The following BICD2 variants were observed in gnomAD, a reference collection of about 807,000 sequenced individuals.
BICD2 encodes the protein BICD cargo adaptor 2, also known as protein bicaudal D homolog 2.
Under a neutral mutation model 72.9 loss-of-function variants are expected in BICD2, and 25 were observed. That is an observed-to-expected ratio of 0.34 (90% CI 0.25 to 0.48). The LOEUF (loss-of-function observed/expected upper bound fraction) is 0.48, where lower values mean the gene tolerates loss of function less well. Ranked by LOEUF, BICD2 falls within the 20% of genes least tolerant of loss-of-function variation. BICD2 has a pLI of 0.99. For synonymous variants in BICD2, 501 were observed against 516.1 expected, an observed-to-expected ratio of 0.97 and a Z score of 0.40; for missense variants, 894 against 1,175.2, an observed-to-expected ratio of 0.76 and a Z score of 3.50.
At chr9:92,721,863 C>T (rs890119907) in intron 3 of BICD2, among the ~76,000 whole-genome samples, 6 of 152,190 alleles carry the variant, frequency 3.9e-5, no homozygotes, top group Admixed American at 6.5e-5. Context: ...TTAATGAGCT[C>T]GAGCTGTCAC....
intron 6 of BICD2, among the ~76,000 whole-genome samples, chr9:92,716,284 C>A (rs767356860): frequency 2.0e-5 from 3 of 152,142 alleles, no homozygotes; most frequent in Non-Finnish European, 4.4e-5. Flanking sequence ...GAGCTGTGAT[C>A]CCTGCAGATT....
chr9:92,740,634 C>A lies in BICD2; in HGVS notation c.241-11398G>T, dbSNP rs147355084. Among the ~76,000 whole-genome samples the A allele has an allele frequency of 9.0e-3, 1,366 of 151,854 alleles. 22 individuals are homozygous for A. Among genetic ancestry groups the A allele is most frequent in the African/African-American group, 0.032 (1,318 of 41,402 alleles). ...TGCAAAAACTGAATAAAGTAACAAG[C>A]AGAAGTCTCACAAAGGGGAAGTGAT... On this transcript the variant is annotated intron_variant, in intron 1 of 6. Coordinates refer to ENST00000356884, the MANE Select transcript of BICD2 (RefSeq NM_001003800.2).
chr9:92,724,260 T>C (rs557035212), intron 2 of BICD2, among the ~76,000 whole-genome samples: 12 of 152,288 alleles, frequency 7.9e-5, no homozygotes, highest in East Asian at 1.9e-4. Context: ...ATGTGTGCAC[T>C]CATCTGAATG....
chr9:92,720,674 T>C lies in BICD2; in HGVS notation c.688A>G (p.Ile230Val). Reference sequence around the variant, plus strand: ...CGCTCTGAGATCTCCTTGAGGCGGATGGCATCCTCCAGCTGGCTGTTGAGG... The same window carrying C: ...CGCTCTGAGATCTCCTTGAGGCGGACGGCATCCTCCAGCTGGCTGTTGAGG... ...EYLNSQLEDA[I>V]RLKEISERQL... Residue 230 changes from isoleucine to valine, a missense_variant, in exon 4 of 7, where the codon ATC (isoleucine) becomes GTC (valine). By Grantham distance (29) the Ile-to-Val change is conservative (BLOSUM62 3). Transcript: ENST00000356884. The surrounding 1 kb of genome is among the most constrained non-coding windows in gnomAD (Gnocchi z 5.4). 2.5e-6 allele frequency: 4 copies of C among 1,614,160 alleles called. No individual in the cohort carries two copies. Among genetic ancestry groups the C allele is most frequent in the Non-Finnish European group, 3.4e-6 (4 of 1,180,028 alleles).
At chr9:92,755,743 G>A (rs570699248) in intron 1 of BICD2, among the ~76,000 whole-genome samples, 85 of 152,326 alleles carry the variant, frequency 5.6e-4, no homozygotes, top group Admixed American at 3.8e-3. Context: ...AGCATGTTGT[G>A]AGGGTGGTAC....
chr9:92,750,341 C>T (rs980478887), intron 1 of BICD2, among the ~76,000 whole-genome samples: 5 of 151,912 alleles, frequency 3.3e-5, no homozygotes, highest in Non-Finnish European at 2.9e-5. Flanking sequence ...AGAACTTGTA[C>T]GTGAATGTTT....
At chr9:92,763,837 G>A (rs1854423200) in intron 1 of BICD2, among the ~76,000 whole-genome samples, 2 of 152,200 alleles carry the variant, frequency 1.3e-5, no homozygotes, top group South Asian at 2.1e-4. Flanking sequence ...GCTAGCTGGT[G>A]GGAGCGCAAT....
chr9:92,748,172 G>A (rs1185020850), intron 1 of BICD2, among the ~76,000 whole-genome samples: 1 of 152,100 alleles, frequency 6.6e-6, no homozygotes, highest in East Asian at 1.9e-4. Context: ...CTCAGCAGCA[G>A]GAATGGCTCC....
chr9:92,723,511 G>A (rs117528131), intron 2 of BICD2, among the ~76,000 whole-genome samples: 111 of 152,328 alleles, frequency 7.3e-4, no homozygotes, highest in Non-Finnish European at 1.3e-3. Flanking sequence ...TCCAGAATAG[G>A]CAAATTCATA....
Position 92,714,947 on chromosome 9 carries a change from G to A in BICD2, c.*207C>T. Reference sequence around the variant, plus strand: ...ACCTAAGAGAGCAGCTGAGGACTGGGTGCTCCTGAGGGGGCTTTGAGGAGT... The same window carrying A: ...ACCTAAGAGAGCAGCTGAGGACTGGATGCTCCTGAGGGGGCTTTGAGGAGT... On this transcript the variant is annotated 3_prime_UTR_variant, in exon 7 of 7. Coordinates refer to ENST00000356884, the MANE Select transcript of BICD2 (RefSeq NM_001003800.2). 1.4e-6 allele frequency: 2 copies of A among 1,387,344 alleles called. No homozygotes were observed. Among genetic ancestry groups the A allele is most frequent in the South Asian group, 1.7e-5 (1 of 58,376 alleles). 85.9% of individuals were successfully genotyped at this position (1,387,344 alleles called of 1,614,324 possible). A position where few individuals can be genotyped will look rare whatever the true frequency, so the allele number is the denominator to read the frequency against.
Position 92,764,645 on chromosome 9 carries a change from C to T in BICD2, c.100G>A (p.Ala34Thr). The T allele has an allele frequency of 6.3e-7, 1 of 1,593,466 alleles. No individual in the cohort carries two copies. Among genetic ancestry groups the T allele is most frequent in the Non-Finnish European group, 8.5e-7 (1 of 1,171,908 alleles). Reference protein sequence around the residue: ...AEVKRLSHELAETTREKIQAA... With the variant: ...AEVKRLSHELTETTREKIQAA... ...TGGATCTTCTCACGCGTGGTCTCGGCCAGCTCGTGGGACAGCCGCTTCACC... is the reference window on the plus strand; with the variant it reads ...TGGATCTTCTCACGCGTGGTCTCGGTCAGCTCGTGGGACAGCCGCTTCACC... The change falls in exon 1 of 7, where the codon GCC becomes ACC. Residue 34 changes from alanine (A) to threonine (T), a missense_variant. Physicochemically the swap from Ala to Thr is moderately conservative, Grantham distance 58. This residue lies in a region of BICD2 where 192 missense variants were observed against 243.6 expected (regional missense o/e 0.79). Transcript: ENST00000356884. This position sits in a 1 kb window ranked among gnomAD's most constrained non-coding sequence, Gnocchi z 5.5.
intron 1 of BICD2, among the ~76,000 whole-genome samples, chr9:92,761,438 G>A (rs1358709618): frequency 6.6e-6 from 1 of 152,224 alleles, no homozygotes; most frequent in Non-Finnish European, 1.5e-5. Context: ...GTGCTCCAGA[G>A]CTTGACACTA....
At chr9:92,753,631 C>T (rs866677092) in intron 1 of BICD2, among the ~76,000 whole-genome samples, 12 of 152,042 alleles carry the variant, frequency 7.9e-5, no homozygotes, top group Middle Eastern at 3.4e-3. Context: ...CTCCGCCTTC[C>T]GGGTTCACAT....
rs779500657 is a variant in BICD2 at position 92,720,778 on chromosome 9, T to C, written c.607-23A>G. 9 of 1,607,268 alleles carry C rather than the reference T, an allele frequency of 5.6e-6. No homozygotes were observed. Among genetic ancestry groups the C allele is most frequent in the Non-Finnish European group, 7.7e-6 (9 of 1,176,064 alleles). On this transcript the variant is annotated intron_variant, in intron 3 of 6. Coordinates refer to ENST00000356884, the MANE Select transcript of BICD2 (RefSeq NM_001003800.2). The surrounding 1 kb of genome is among the most constrained non-coding windows in gnomAD (Gnocchi z 5.4). ...CACCTGGGAAGAGAAGTCAACGCTCTTGCATCAATGCAATGTGGAAGCTCC... is the reference window on the plus strand; with the variant it reads ...CACCTGGGAAGAGAAGTCAACGCTCCTGCATCAATGCAATGTGGAAGCTCC...
rs146176658 is a variant in BICD2 at position 92,728,319 on chromosome 9, A to G, written c.453+705T>C. ...GAGCCAAGCTGGTTCCTCTGACTTC[A>G]TGTTCACAAGTCATGCACGGACTTG... is the stretch of plus-strand genomic sequence containing the variant. On this transcript the variant is annotated intron_variant, in intron 2 of 6. Coordinates refer to ENST00000356884, the MANE Select transcript of BICD2 (RefSeq NM_001003800.2). Among the ~76,000 whole-genome samples, 554 of 152,290 alleles carry G rather than the reference A, an allele frequency of 3.6e-3. 5 individuals are homozygous for G. Among genetic ancestry groups the G allele is most frequent in the African/African-American group, 0.013 (527 of 41,558 alleles).
intron 2 of BICD2, among the ~76,000 whole-genome samples, chr9:92,723,623 G>C (rs1190774496): frequency 6.6e-6 from 1 of 152,194 alleles, no homozygotes; most frequent in African/African-American, 2.4e-5. Context: ...CTAAGATTGT[G>C]GAATGGGGCA....
intron 1 of BICD2, among the ~76,000 whole-genome samples, chr9:92,741,616 T>G (rs766801543): frequency 6.6e-6 from 1 of 152,206 alleles, no homozygotes; most frequent in African/African-American, 2.4e-5. Flanking sequence ...AGAGCATCAA[T>G]AGAGTAAATC....
chr9:92,753,632 G>A (rs532960700), intron 1 of BICD2, among the ~76,000 whole-genome samples: 51 of 151,896 alleles, frequency 3.4e-4, no homozygotes, highest in South Asian at 1.0e-3. Context: ...TCCGCCTTCC[G>A]GGTTCACATC....
At chr9:92,724,628 G>A (rs993921202) in intron 2 of BICD2, among the ~76,000 whole-genome samples, 1 of 152,174 alleles carries the variant, frequency 6.6e-6, no homozygotes, top group Non-Finnish European at 1.5e-5. Flanking sequence ...ATGCTGGGAC[G>A]AAGCGGGAGA....
Sources: gnomAD v4.1 joint callset for allele counts (sites outside exome capture counted in the v4.1 genomes callset) on GRCh38, gnomAD v4.1.1 for gene constraint, gnomAD v4.1.1 regional missense constraint, Gnocchi (gnomAD v3.1) non-coding constraint, MANE v1.5 for transcripts, NCBI Gene and HGNC (gene_info 2026-07-23, HGNC 2026-07-21) for gene names.